The following ACACA variants were observed in gnomAD, a reference collection of about 807,000 sequenced individuals.
The protein encoded by ACACA is acetyl-CoA carboxylase alpha.
A neutral mutation model predicts 296.1 loss-of-function variants in ACACA; 103 were observed. The ratio of observed to expected loss-of-function variants is 0.35; its 90% CI spans 0.30 to 0.41. The LOEUF is 0.41. ACACA is among the 10% of genes least tolerant of loss of function. The probability of loss-of-function intolerance (pLI) is 1.00; values close to 1 mark genes in which losing one functional copy is unlikely to be tolerated. For synonymous variants in ACACA, 953 were observed against 1,038.6 expected (o/e 0.92, Z 1.58); for missense variants, 1,554 against 2,989.7 (o/e 0.52, Z 11.20).
chr17:37,253,809 A>G (rs1399558610), intron 14 of ACACA, among the ~76,000 whole-genome samples: 2 of 152,180 alleles, frequency 1.3e-5, no homozygotes, highest in South Asian at 2.1e-4. Context: ...ATACAGTTCA[A>G]TGAATTTTCC....
chr17:37,247,990 G>C, intron 18 of ACACA, 21 bp downstream of exon 18: 2 of 1,613,624 alleles, frequency 1.2e-6, no homozygotes, highest in South Asian at 2.2e-5. Flanking sequence ...ACCAGCAAAT[G>C]GACCTCAAAC....
Position 37,206,805 on chromosome 17 carries a change from G to A in ACACA, c.3926C>T (p.Thr1309Met). 6.2e-6 allele frequency: 10 copies of A among 1,612,708 alleles called. No homozygotes were observed. Among genetic ancestry groups the A allele is most frequent in the Non-Finnish European group, 8.5e-6 (10 of 1,178,758 alleles). Residue 1309 changes from threonine to methionine, a missense_variant, in exon 32 of 56, where the codon ACG (threonine) becomes ATG (methionine). Around this residue, in one of 16 missense-constraint regions of ACACA, gnomAD observed 179 missense variants for 283.2 expected, o/e 0.63. Coordinates refer to ENST00000616317, the MANE Select transcript of ACACA (RefSeq NM_198834.3). ...QSPTFPEAGHTSLYDEDKVPR... is the reference protein window; with the variant it reads ...QSPTFPEAGHMSLYDEDKVPR... ...TACCTTATCCTCATCATAAAGAGAC[G>A]TGTGACCTGCCTCAGGGAATGTGGG...
At chr17:37,266,421 CA>C (rs57539782) in intron 10 of ACACA, among the ~76,000 whole-genome samples, 47,958 of 104,528 alleles carry the variant, frequency 0.46, 9,878 homozygotes, top group African/African-American at 0.66. Context: ...CTCAAGAAAA[CA>C]AAAAAAAAAA....
chr17:37,234,541 G>A (rs1188704227), intron 25 of ACACA, among the ~76,000 whole-genome samples: 1 of 151,998 alleles, frequency 6.6e-6, no homozygotes, highest in African/African-American at 2.4e-5. Flanking sequence ...AAATTTCTCT[G>A]GTCAGAGAGG....
In ACACA at chr17:37,235,104, A is replaced by C; in HGVS notation, c.3122-5T>G. ...ATACACATTTGTCATAGTGACCTGC[A>C]CACCATGAAAAGAACTGGTTCTCAC... is the stretch of plus-strand genomic sequence containing the variant. On this transcript the variant is annotated splice_polypyrimidine_tract_variant and splice_region_variant and intron_variant, in intron 24 of 55. Coordinates refer to ENST00000616317, the MANE Select transcript of ACACA (RefSeq NM_198834.3). 6.2e-7 allele frequency: 1 copy of C among 1,613,254 alleles called. No individual in the cohort carries two copies. Among genetic ancestry groups the C allele is most frequent in the Non-Finnish European group, 8.5e-7 (1 of 1,179,864 alleles).
chr17:37,122,737 A>G, intron 48 of ACACA, 110 bp from the exon 49 acceptor site: 1 of 871,702 alleles, frequency 1.1e-6, no homozygotes, highest in Non-Finnish European at 2.0e-6. Context: ...AAACAAACAC[A>G]GAGAGCAGGG....
At chr17:37,324,013 C>T (rs1156543736) in intron 3 of ACACA, among the ~76,000 whole-genome samples, 1 of 151,930 alleles carries the variant, frequency 6.6e-6, no homozygotes, top group Non-Finnish European at 1.5e-5. Flanking sequence ...GGTGGATCAC[C>T]TGAGGTCAGG....
intron 1 of ACACA, among the ~76,000 whole-genome samples, chr17:37,344,331 G>C (rs976645986): frequency 1.3e-5 from 2 of 151,986 alleles, no homozygotes; most frequent in African/African-American, 4.8e-5. Flanking sequence ...GATGAGACAG[G>C]CTGATTGCTT....
rs187880919 is a variant in ACACA at position 37,263,836 on chromosome 17, C to T, written c.1178G>A (p.Arg393His). ...IFVMRLAKQS[R>H]HLEVQILADQ... ...CGCTAAGATCTGCACCTCCAGATGACGAGATTGTTTGGCTAGTCTCATCAC... is the reference window on the plus strand; with the variant it reads ...CGCTAAGATCTGCACCTCCAGATGATGAGATTGTTTGGCTAGTCTCATCAC... The change falls in exon 11 of 56, where the codon CGT becomes CAT. Residue 393 changes from arginine to histidine, a missense_variant. Physicochemically the swap from Arg to His is conservative, Grantham distance 29. Around this residue, in one of 16 missense-constraint regions of ACACA, gnomAD observed 82 missense variants for 185.2 expected, o/e 0.44. Coordinates refer to ENST00000616317, the MANE Select transcript of ACACA (RefSeq NM_198834.3). 1.9e-4 allele frequency: 306 copies of T among 1,613,684 alleles called. No homozygotes were observed. Among genetic ancestry groups the T allele is most frequent in the Non-Finnish European group, 2.0e-4 (239 of 1,179,972 alleles).
Position 37,273,531 on chromosome 17 carries a change from A to G in ACACA, c.1008+662T>C, listed in dbSNP as rs143593988. On this transcript the variant is annotated intron_variant, in intron 9 of 55. Transcript: ENST00000616317. Reference sequence around the variant, plus strand: ...TTGGAAGGAGGGACTGAATATGCATAGCTCAGCCTTTTCCCCTTTGGGATC... The same window carrying G: ...TTGGAAGGAGGGACTGAATATGCATGGCTCAGCCTTTTCCCCTTTGGGATC... 4.6e-3 allele frequency among the ~76,000 whole-genome samples: 702 copies of G among 152,360 alleles called. 4 individuals are homozygous for G. The highest frequency in any genetic ancestry group is 0.016 in the African/African-American group (666 of 41,584).
intron 41 of ACACA, among the ~76,000 whole-genome samples, chr17:37,174,018 A>ATTTTT (rs2077008643): frequency 6.5e-4 from 10 of 15,426 alleles, no homozygotes; most frequent in African/African-American, 2.7e-3. Flanking sequence ...ATATATATAT[A>ATTTTT]TATTTTTTTT....
chr17:37,161,155 G>A (rs1283591346), intron 42 of ACACA, among the ~76,000 whole-genome samples: 7 of 152,232 alleles, frequency 4.6e-5, no homozygotes. Flanking sequence ...ATGAGAGGGA[G>A]TGACCAAAGG....
chr17:37,295,513 G>A (rs1210337836), intron 3 of ACACA, among the ~76,000 whole-genome samples: 8 of 152,164 alleles, frequency 5.3e-5, no homozygotes, highest in African/African-American at 1.9e-4. Flanking sequence ...ACACGGCCAG[G>A]CACAGTGGCT....
At chr17:37,145,333 C>A (rs1209630836) in intron 45 of ACACA, among the ~76,000 whole-genome samples, 1 of 152,164 alleles carries the variant, frequency 6.6e-6, no homozygotes, top group Non-Finnish European at 1.5e-5. Flanking sequence ...CAGCATGACT[C>A]CCTTCAAGCA....
intron 11 of ACACA, among the ~76,000 whole-genome samples, chr17:37,260,637 C>G (rs964411291): frequency 1.3e-5 from 2 of 152,022 alleles, no homozygotes; most frequent in Non-Finnish European, 2.9e-5. Context: ...ATGTCTCATT[C>G]TCTATTCCTG....
At chr17:37,103,856 G>A (rs925828313) in intron 52 of ACACA, among the ~76,000 whole-genome samples, 2 of 152,140 alleles carry the variant, frequency 1.3e-5, no homozygotes, top group Non-Finnish European at 1.5e-5. Context: ...GGGCAACAGA[G>A]CGAGACCCTG....
chr17:37,113,373 C>T lies in ACACA; in HGVS notation c.6275-108G>A, dbSNP rs1031677489. On this transcript the variant is annotated intron_variant, in intron 50 of 55. Coordinates refer to ENST00000616317, the MANE Select transcript of ACACA (RefSeq NM_198834.3). The surrounding 1 kb of genome is among the most constrained non-coding windows in gnomAD (Gnocchi z 4.0). ...CCACGAAGAGCCTCCTTATACTATG[C>T]CTCCTGTTTGGCCACCCTATAGACT... 8.2e-7 allele frequency: 1 copy of T among 1,212,414 alleles called. No individual in the cohort carries two copies. The highest frequency in any genetic ancestry group is 1.5e-5 in the African/African-American group (1 of 67,212). 75.1% of individuals were successfully genotyped at this position (1,212,414 alleles called of 1,614,324 possible). A position where few individuals can be genotyped will look rare whatever the true frequency, so the allele number is the denominator to read the frequency against.
chr17:37,230,056 C>T (rs1043909542), intron 25 of ACACA, among the ~76,000 whole-genome samples: 5 of 149,922 alleles, frequency 3.3e-5, no homozygotes, highest in African/African-American at 4.9e-5. Context: ...AGTGAAATTC[C>T]GTCTCAAAAT....
At chr17:37,196,718 A>G (rs2145187583) in intron 35 of ACACA, among the ~76,000 whole-genome samples, 1 of 152,318 alleles carries the variant, frequency 6.6e-6, no homozygotes, top group East Asian at 1.9e-4. Context: ...AAACTAAGAC[A>G]GAGTGAGTCA....
Sources: allele counts gnomAD v4.1 joint callset (sites outside exome capture counted in the v4.1 genomes callset), GRCh38; gene constraint gnomAD v4.1.1; regional missense constraint gnomAD v4.1.1; non-coding constraint Gnocchi (gnomAD v3.1); transcripts MANE v1.5; gene names NCBI Gene and HGNC (gene_info 2026-07-23, HGNC 2026-07-21).